Variants in MKRN2 observed in about 807,000 individuals in gnomAD.
MKRN2 encodes E3 ubiquitin-protein ligase makorin-2.
Under a neutral mutation model 45.4 loss-of-function variants are expected in MKRN2, and 32 were observed. That is an observed-to-expected ratio of 0.70 (90% CI 0.53 to 0.95). The LOEUF is 0.95. Among genes scored for constraint, MKRN2 ranks in the 40% least tolerant of loss-of-function variants. The pLI is 0.00. For synonymous variants in MKRN2, 206 were observed against 192.4 expected (o/e 1.07, Z -0.59); for missense variants, 526 against 536.7 (o/e 0.98, Z 0.20).
chr3:12,559,075 T>G (rs1438473469), intron 1 of MKRN2, among the ~76,000 whole-genome samples: 3 of 152,174 alleles, frequency 2.0e-5, no homozygotes, highest in Non-Finnish European at 4.4e-5. Flanking sequence ...TTATCAAAGC[T>G]TTTAATGTGT....
At chr3:12,575,042 G>A (rs768617422) in intron 5 of MKRN2, 36 bp downstream of exon 5, 17 of 1,574,642 alleles carry the variant, frequency 1.1e-5, no homozygotes, top group Non-Finnish European at 1.4e-5. Flanking sequence ...GTGGGAGCTA[G>A]GAGAATGTTT....
chr3:12,580,553 A>G (rs2058170753), intron 6 of MKRN2, among the ~76,000 whole-genome samples: 3 of 151,820 alleles, frequency 2.0e-5, no homozygotes, highest in Admixed American at 1.3e-4. Flanking sequence ...CCTGGGTTCA[A>G]GCAATTCTCC....
intron 3 of MKRN2, 43 bp downstream of exon 3, chr3:12,570,295 C>T (rs762236907): frequency 2.5e-6 from 4 of 1,572,716 alleles, no homozygotes; most frequent in Admixed American, 3.5e-5. Flanking sequence ...TTGCATAGCA[C>T]TCTTGTTAAT....
At chr3:12,576,059 G>A (rs1425801282) in intron 5 of MKRN2, among the ~76,000 whole-genome samples, 4 of 152,120 alleles carry the variant, frequency 2.6e-5, no homozygotes, top group Admixed American at 2.6e-4. Context: ...AGGTTTTATG[G>A]TATAATAACT....
chr3:12,575,442 C>T (rs1316503918), intron 5 of MKRN2, among the ~76,000 whole-genome samples: 1 of 152,138 alleles, frequency 6.6e-6, no homozygotes, highest in Non-Finnish European at 1.5e-5. Flanking sequence ...TGCATGATGC[C>T]TGGCACATGG....
intron 1 of MKRN2, among the ~76,000 whole-genome samples, chr3:12,568,112 T>C (rs1211578046): frequency 1.3e-5 from 2 of 152,240 alleles, no homozygotes; most frequent in East Asian, 1.9e-4. Flanking sequence ...TATTGTAAAA[T>C]AGATTTTGTG....
At chr3:12,574,295 C>T (rs1394433633) in intron 4 of MKRN2, among the ~76,000 whole-genome samples, 1 of 152,228 alleles carries the variant, frequency 6.6e-6, no homozygotes, top group Non-Finnish European at 1.5e-5. Flanking sequence ...AGAAGGAATT[C>T]AGGGCATGCC....
intron 6 of MKRN2, among the ~76,000 whole-genome samples, chr3:12,581,243 C>A (rs566132686): frequency 6.6e-6 from 1 of 152,192 alleles, no homozygotes; most frequent in African/African-American, 2.4e-5. Flanking sequence ...GTCCAAAGCA[C>A]ATAAGGCGTG....
chr3:12,565,853 A>G (rs1281684536), intron 1 of MKRN2, among the ~76,000 whole-genome samples: 1 of 150,480 alleles, frequency 6.6e-6, no homozygotes, highest in East Asian at 2.0e-4. Context: ...GTGTGGTTCT[A>G]TTTACAGGGT....
Position 12,569,004 on chromosome 3 carries a change from G to T in MKRN2, c.155+1G>T. On this transcript the variant is annotated splice_donor_variant, in intron 2 of 7. Transcript: ENST00000170447. LOFTEE classifies it high-confidence loss of function. ...ACTGTGCCTATGGAACTCGGTGCAG[G>T]CAAGGACTCTGCAACAGATTCCAGC... 6.2e-7 allele frequency: 1 copy of T among 1,612,670 alleles called. No homozygotes were observed. Among genetic ancestry groups the T allele is most frequent in the Non-Finnish European group, 8.5e-7 (1 of 1,179,602 alleles).
rs781377695 is a variant in MKRN2 at position 12,581,782 on chromosome 3, CTT to C, written c.969-25_969-24del. On this transcript the variant is annotated intron_variant, in intron 6 of 7. Transcript: ENST00000170447. ...GGACCCCTCATTTTCCCACCAGCCT[CTT>C]GACTTTTTCTTTCTGCTTTTCAGGA... 10 of 1,612,414 alleles carry C rather than the reference CTT, an allele frequency of 6.2e-6. No homozygotes were observed. In the African/African-American group the frequency reaches 8.0e-5, roughly 13 times the overall value.
At chr3:12,575,050 T>C (rs1439298333) in intron 5 of MKRN2, 44 bp downstream of exon 5, 1 of 1,563,926 alleles carries the variant, frequency 6.4e-7, no homozygotes, top group East Asian at 2.2e-5. Flanking sequence ...TAGGAGAATG[T>C]TTGATTTGAG....
At position 12,574,856 on chromosome 3, in the gene MKRN2, A is replaced by G; in HGVS notation, c.707A>G (p.Lys236Arg). 1 of 1,614,220 alleles carries G rather than the reference A, an allele frequency of 6.2e-7. No individual in the cohort carries two copies. Among genetic ancestry groups the G allele is most frequent in the Non-Finnish European group, 8.5e-7 (1 of 1,180,036 alleles). The change falls in exon 5 of 8, where the codon AAA becomes AGA. Residue 236 changes from lysine (K) to arginine (R), a missense_variant. Lys to Arg is a conservative substitution (Grantham distance 26). Coordinates refer to ENST00000170447, the MANE Select transcript of MKRN2 (RefSeq NM_014160.5). ...TTTGCCTTCCAGGCAAGCCAGGACA[A>G]AGTGTGCAGTATCTGCATGGAAGTG... ...KAFAFQASQD[K>R]VCSICMEVIL...
intron 5 of MKRN2, among the ~76,000 whole-genome samples, chr3:12,576,101 T>C (rs1217823831): frequency 1.3e-5 from 2 of 152,126 alleles, no homozygotes; most frequent in Admixed American, 1.3e-4. Flanking sequence ...TCTGCCAGAC[T>C]CTGTTCAAAG....
chr3:12,566,325 T>A (rs2058068812), intron 1 of MKRN2, among the ~76,000 whole-genome samples: 1 of 152,218 alleles, frequency 6.6e-6, no homozygotes, highest in Non-Finnish European at 1.5e-5. Flanking sequence ...AGTCCTTTTT[T>A]CTATTGTCTG....
In MKRN2 at chr3:12,582,435, A is replaced by G; in HGVS notation, c.*182A>G. 1.4e-6 allele frequency: 1 copy of G among 709,280 alleles called. No homozygotes were observed. Among genetic ancestry groups the G allele is most frequent in the Non-Finnish European group, 2.3e-6 (1 of 438,398 alleles). 43.9% of individuals were successfully genotyped at this position (709,280 alleles called of 1,614,324 possible). On this transcript the variant is annotated 3_prime_UTR_variant, in exon 8 of 8. Coordinates refer to ENST00000170447, the MANE Select transcript of MKRN2 (RefSeq NM_014160.5). ...AGCCATGGGGAAGAGTGAAAGATAT[A>G]AAGTAACCTAATTAAATGTATGGAA...
In MKRN2 at chr3:12,576,520, T is replaced by C. The variant is rs370808401; in HGVS notation, c.858-111T>C. ...TTGTGATTTCATCTTTTGGAATTTCTGGTGAAGGAAATGCCTGTAGTGGTG... is the reference window on the plus strand; with the variant it reads ...TTGTGATTTCATCTTTTGGAATTTCCGGTGAAGGAAATGCCTGTAGTGGTG... On this transcript the variant is annotated intron_variant, in intron 5 of 7. Transcript: ENST00000170447. The C allele has an allele frequency of 4.9e-5, 32 of 658,860 alleles. No homozygotes were observed. The Middle Eastern group carries it at 7.9e-4, about 16-fold the overall frequency. 40.8% of individuals were successfully genotyped at this position (658,860 alleles called of 1,614,324 possible).
chr3:12,557,698 T>C (rs1007968803), intron 1 of MKRN2, among the ~76,000 whole-genome samples: 2 of 152,274 alleles, frequency 1.3e-5, no homozygotes, highest in African/African-American at 4.8e-5. Context: ...TAGCATATTG[T>C]GAATATCGGC....
In MKRN2 at chr3:12,576,649, T is replaced by C; in HGVS notation, c.876T>C (p.Arg292=). 6.2e-7 allele frequency: 1 copy of C among 1,603,118 alleles called. No homozygotes were observed. Among genetic ancestry groups the C allele is most frequent in the Non-Finnish European group, 8.5e-7 (1 of 1,170,560 alleles). Residue 292 remains arginine (R), a synonymous_variant, in exon 6 of 8, where the codon CGT becomes CGC. Coordinates refer to ENST00000170447, the MANE Select transcript of MKRN2 (RefSeq NM_014160.5). ...ATTTCAGGTCTTGTCCAGAATGCCG[T>C]GTGATATCAGAGTTTGTAATTCCAA... is the stretch of plus-strand genomic sequence containing the variant. ...NPIIKSCPEC[R]VISEFVIPSV...
Sources: gnomAD v4.1 joint callset for allele counts (sites outside exome capture counted in the v4.1 genomes callset) on GRCh38, gnomAD v4.1.1 for gene constraint, MANE v1.5 for transcripts, NCBI Gene and HGNC (gene_info 2026-07-23, HGNC 2026-07-21) for gene names.